Variants in CMIP observed in about 807,000 individuals in gnomAD.
CMIP encodes the protein c-Maf inducing protein, also known as C-Maf-inducing protein.
Under a neutral mutation model 97.3 loss-of-function variants are expected in CMIP, and 13 were observed. That is an observed-to-expected ratio of 0.13 (90% confidence interval 0.09 to 0.21). The LOEUF (loss-of-function observed/expected upper bound fraction) is 0.21, where lower values mean the gene tolerates loss of function less well. Among genes scored for constraint, CMIP ranks in the 10% least tolerant of loss-of-function variants. The pLI is 1.00. For synonymous variants in CMIP, 538 were observed against 436.3 expected, an observed-to-expected ratio of 1.23 and a Z score of -2.91; for missense variants, 847 against 1,024.9, an observed-to-expected ratio of 0.83 and a Z score of 2.37.
rs986622306 is a variant in CMIP, at chr16:81,453,100, G to A, written c.300+7559G>A. Among the ~76,000 whole-genome samples, 2 of 152,144 alleles carry A rather than the reference G, an allele frequency of 1.3e-5. No individual in the cohort carries two copies. The highest frequency in any genetic ancestry group is 4.8e-5 in the African/African-American group (2 of 41,412). ...CTGGTTTTGCCAGCGAGGAAGGGGTGAGGGGAAGTGTGTCGGCAAAGACCC... is the reference window on the plus strand; with the variant it reads ...CTGGTTTTGCCAGCGAGGAAGGGGTAAGGGGAAGTGTGTCGGCAAAGACCC... On this transcript the variant is annotated intron_variant, in intron 1 of 20. Transcript: ENST00000537098. This position sits in a 1 kb window ranked among gnomAD's most constrained non-coding sequence, Gnocchi z 4.0.
At chr16:81,562,651 C>A (rs1345796187) in intron 1 of CMIP, among the ~76,000 whole-genome samples, 5 of 152,268 alleles carry the variant, frequency 3.3e-5, no homozygotes, top group African/African-American at 1.2e-4. Flanking sequence ...GTGCATTACA[C>A]ATTTCTCCTG....
chr16:81,473,018 G>A (rs1907653101), intron 1 of CMIP, among the ~76,000 whole-genome samples: 1 of 152,172 alleles, frequency 6.6e-6, no homozygotes. Flanking sequence ...AGCTTACATA[G>A]ATCCCATCTC....
intron 7 of CMIP, among the ~76,000 whole-genome samples, chr16:81,668,822 C>T (rs1462764970): frequency 6.6e-6 from 1 of 151,298 alleles, no homozygotes; most frequent in East Asian, 1.9e-4. Context: ...CCACCTCACA[C>T]TCACTGCCTT....
intron 1 of CMIP, 84 bp from the exon 2 acceptor site, chr16:81,607,483 T>TGTTTCCAAAA: frequency 6.5e-7 from 1 of 1,549,050 alleles, no homozygotes. Context: ...AGAGGGGCGA[T>TGTTTCCAAAA]GTTTCCAAAA....
intron 13 of CMIP, among the ~76,000 whole-genome samples, chr16:81,693,803 T>C (rs553003415): frequency 6.6e-6 from 1 of 152,220 alleles, no homozygotes; most frequent in South Asian, 2.1e-4. Context: ...TGATCCTGTC[T>C]GGTTCTGCTA....
At chr16:81,678,776 T>G in intron 10 of CMIP, 148 bp downstream of exon 10, 1 of 597,168 alleles carries the variant, frequency 1.7e-6, no homozygotes. Flanking sequence ...AGCTGGTGTG[T>G]GCAAGAGTGT....
At chr16:81,611,076 C>G (rs1186813399) in intron 2 of CMIP, among the ~76,000 whole-genome samples, 2 of 152,178 alleles carry the variant, frequency 1.3e-5, no homozygotes, top group Non-Finnish European at 2.9e-5. Context: ...CCACCAGCAG[C>G]CACGCATGGC....
rs1221173611 is a variant in CMIP at position 81,638,003 on chromosome 16, C to T, written c.478-14200C>T. ...GGCTCCACCCTCATGAACTAATCAC[C>T]CCCACGAGGCCCCACCTCCTAACAC... is the stretch of plus-strand genomic sequence containing the variant. On this transcript the variant is annotated intron_variant, in intron 3 of 20. Transcript: ENST00000537098. 2.6e-5 allele frequency among the ~76,000 whole-genome samples: 4 copies of T among 152,106 alleles called. No homozygotes were observed. The East Asian group carries it at 7.7e-4, about 29-fold the overall frequency.
At chr16:81,484,489 G>C (rs1344992541) in intron 1 of CMIP, among the ~76,000 whole-genome samples, 1 of 152,152 alleles carries the variant, frequency 6.6e-6, no homozygotes, top group Non-Finnish European at 1.5e-5. Flanking sequence ...GGTGGAGAAC[G>C]ATCACCTGGC....
intron 1 of CMIP, chr16:81,495,243 A>T: frequency 7.8e-7 from 1 of 1,277,694 alleles, no homozygotes; most frequent in East Asian, 2.7e-5. Context: ...ACAGACACTG[A>T]TGGTCAGAGT....
In CMIP at chr16:81,669,557, ATACT is replaced by A. The variant is rs1241325135; in HGVS notation, c.826-583_826-580del. Among the ~76,000 whole-genome samples, 4 of 106,202 alleles carry A rather than the reference ATACT, an allele frequency of 3.8e-5. No homozygotes were observed. In the East Asian group the frequency reaches 1.1e-3, roughly 30 times the overall value. 69.7% of individuals were successfully genotyped at this position (106,202 alleles called of 152,430 possible). The stretch of plus-strand genomic sequence containing the variant: ...ACTCACCTCCTTCCACACCCACTTC[ATACT>A]TCCTTCCACACCCACCTCTCACCTC... On this transcript the variant is annotated intron_variant, in intron 7 of 20. Coordinates refer to ENST00000537098, the MANE Select transcript of CMIP (RefSeq NM_198390.3).
chr16:81,593,998 C>G (rs1331119197), intron 1 of CMIP, among the ~76,000 whole-genome samples: 1 of 119,602 alleles, frequency 8.4e-6, no homozygotes, highest in African/African-American at 3.3e-5. Context: ...CCCTCCTCCC[C>G]CTCTTTCCTC....
rs549036656 is a variant in CMIP, at chr16:81,495,471, G to A, written c.300+49930G>A. ...TACAGATCTCCGCCCTGGCGTCCGG[G>A]GAAGGATGGGACAGGCTGCTGAGGT... On this transcript the variant is annotated intron_variant, in intron 1 of 20. Coordinates refer to ENST00000537098, the MANE Select transcript of CMIP (RefSeq NM_198390.3). 37 of 1,613,122 alleles carry A rather than the reference G, an allele frequency of 2.3e-5. No individual in the cohort carries two copies. The African/African-American group carries it at 4.4e-4, about 19-fold the overall frequency.
intron 1 of CMIP, among the ~76,000 whole-genome samples, chr16:81,501,741 A>G (rs2150779249): frequency 1.3e-5 from 2 of 151,552 alleles, no homozygotes; most frequent in Middle Eastern, 6.8e-3. Flanking sequence ...CCTCCCGAGT[A>G]GCTGGAATTA....
intron 1 of CMIP, among the ~76,000 whole-genome samples, chr16:81,593,377 G>A (rs554505779): frequency 6.6e-6 from 1 of 152,194 alleles, no homozygotes; most frequent in South Asian, 2.1e-4. Context: ...AGCCTGGGGG[G>A]TTGGAGGGCG....
chr16:81,691,930 A>C, intron 11 of CMIP, 90 bp downstream of exon 11: 1 of 1,156,966 alleles, frequency 8.6e-7, no homozygotes, highest in Non-Finnish European at 1.3e-6. Context: ...CAGTCATGTT[A>C]TGGGGAAGCG....
At chr16:81,464,102 T>C (rs2317240) in intron 1 of CMIP, 72,214 of 152,134 alleles carry the variant, frequency 0.47, 17,765 homozygotes, top group African/African-American at 0.61. Context: ...CTTTGTGATC[T>C]TCTGAGGGAG....
At chr16:81,496,883 C>T (rs1331777886) in intron 1 of CMIP, among the ~76,000 whole-genome samples, 1 of 152,284 alleles carries the variant, frequency 6.6e-6, no homozygotes, top group East Asian at 1.9e-4. Context: ...GAAGCCAGTG[C>T]CGCTTGGCGG....
chr16:81,616,522 C>T lies in CMIP; in HGVS notation c.427-4354C>T, dbSNP rs2091920738. Among the ~76,000 whole-genome samples, 2 of 152,232 alleles carry T rather than the reference C, an allele frequency of 1.3e-5. No individual in the cohort carries two copies. Among genetic ancestry groups the T allele is most frequent in the Admixed American group, 6.5e-5 (1 of 15,288 alleles). On this transcript the variant is annotated intron_variant, in intron 2 of 20. Coordinates refer to ENST00000537098, the MANE Select transcript of CMIP (RefSeq NM_198390.3). This position sits in a 1 kb window ranked among gnomAD's most constrained non-coding sequence, Gnocchi z 4.7. ...ACCCGTGGTCTGTGGTTGGTAGTGA[C>T]ATGCGTCATCGCACTTAGTTCGCCA... is the stretch of plus-strand genomic sequence containing the variant.
Sources: allele counts gnomAD v4.1 joint callset (sites outside exome capture counted in the v4.1 genomes callset), GRCh38; gene constraint gnomAD v4.1.1; non-coding constraint Gnocchi (gnomAD v3.1); transcripts MANE v1.5; gene names NCBI Gene and HGNC (gene_info 2026-07-23, HGNC 2026-07-21).